The following URB1 variants were observed in gnomAD, a reference collection of about 807,000 sequenced individuals.
URB1 encodes URB1 ribosome biogenesis factor, also known as nucleolar pre-ribosomal-associated protein 1.
A neutral mutation model predicts 242.3 loss-of-function variants in URB1; 197 were observed. The observed-to-expected ratio is 0.81, with a 90% CI of 0.72 to 0.91. The LOEUF (loss-of-function observed/expected upper bound fraction) is 0.91. URB1 is among the 40% of genes least tolerant of loss of function. The pLI is 0.00. For synonymous variants in URB1, 1,153 were observed against 1,201.8 expected, an observed-to-expected ratio of 0.96 and a Z score of 0.84; for missense variants, 2,721 against 2,860.5, an observed-to-expected ratio of 0.95 and a Z score of 1.11.
chr21:32,372,596 C>G lies in URB1; in HGVS notation c.912G>C (p.Arg304=). The G allele has an allele frequency of 6.4e-7, 1 of 1,551,108 alleles. No homozygotes were observed. The highest frequency in any genetic ancestry group is 8.7e-7 in the Non-Finnish European group (1 of 1,146,846). Residue 304 remains arginine, a synonymous_variant, in exon 8 of 39, where the codon CGG becomes CGC. Transcript: ENST00000382751. ...CCATCAGGAAGTTATGAACAAGCTC[C>G]CGCACCATGGTTTTCCCTGCTTCTT... ...SAEEAGKTMV[R]ELVHNFLMDL...
At chr21:32,370,911 G>A (rs1469192526) in intron 8 of URB1, among the ~76,000 whole-genome samples, 2 of 152,186 alleles carry the variant, frequency 1.3e-5, no homozygotes, top group African/African-American at 4.8e-5. Flanking sequence ...CACCTACTAT[G>A]TGCCAGGCAC....
Position 32,378,515 on chromosome 21 carries a change from G to A in URB1, c.594C>T (p.Tyr198=), listed in dbSNP as rs763311311. 1.7e-5 allele frequency: 26 copies of A among 1,551,526 alleles called. No individual in the cohort carries two copies. The South Asian group carries it at 2.1e-4, about 13-fold the overall frequency. Residue 198 remains tyrosine, a synonymous_variant, in exon 5 of 39, where the codon TAC becomes TAT. Transcript: ENST00000382751. ...TTAAAAAGGAGAGAGCAAACTGAAC[G>A]TAGGCCTGCCGAACGTCGTACACTC... is the stretch of plus-strand genomic sequence containing the variant. ...SKGVYDVRQA[Y]VQFALSFLIA... is the part of the protein sequence containing the mutation.
At chr21:32,384,987 G>A (rs932867590) in intron 2 of URB1, among the ~76,000 whole-genome samples, 1 of 147,426 alleles carries the variant, frequency 6.8e-6, no homozygotes, top group East Asian at 2.0e-4. Flanking sequence ...TCTCAAAAAT[G>A]AAAGAAAAGA....
rs1352604914 is a variant in URB1, at chr21:32,372,577, G to T, written c.931C>A (p.Leu311Met). 1.3e-6 allele frequency: 2 copies of T among 1,551,534 alleles called. No homozygotes were observed. The highest frequency in any genetic ancestry group is 1.7e-6 in the Non-Finnish European group (2 of 1,146,986). Reference sequence around the variant, plus strand: ...TTGAGTGAACAGCAAAGATCCATCAGGAAGTTATGAACAAGCTCCCGCACC... The same window carrying T: ...TTGAGTGAACAGCAAAGATCCATCATGAAGTTATGAACAAGCTCCCGCACC... The part of the protein sequence containing the change: ...TMVRELVHNF[L>M]MDLCCSLKHG... The change falls in exon 8 of 39, where the codon CTG (leucine) becomes ATG (methionine). Residue 311 changes from leucine (L) to methionine (M), a missense_variant. Transcript: ENST00000382751.
Position 32,347,651 on chromosome 21 carries a change from G to A in URB1, c.3173C>T (p.Ala1058Val). The change falls in exon 22 of 39, where the codon GCA (alanine) becomes GTA (valine). Residue 1058 changes from alanine (A) to valine (V), a missense_variant. Transcript: ENST00000382751. Reference sequence around the variant, plus strand: ...AATGTTCTGGAGGATCGGGGCACTTGCTGCCAGCAGCTGAAGGACCCCTGC... The same window carrying A: ...AATGTTCTGGAGGATCGGGGCACTTACTGCCAGCAGCTGAAGGACCCCTGC... ...FSAGVLQLLA[A>V]SAPILQNIGQ... The A allele has an allele frequency of 6.4e-7, 1 of 1,551,644 alleles. No individual in the cohort carries two copies. Among genetic ancestry groups the A allele is most frequent in the South Asian group, 1.2e-5 (1 of 84,068 alleles).
At chr21:32,321,200 AAAC>A (rs1409460940) in intron 34 of URB1, among the ~76,000 whole-genome samples, 1 of 152,248 alleles carries the variant, frequency 6.6e-6, no homozygotes, top group Non-Finnish European at 1.5e-5. Flanking sequence ...TACATATGAG[AAAC>A]AAAAGCTGAC....
chr21:32,377,936 C>A (rs2033477692), intron 5 of URB1, among the ~76,000 whole-genome samples: 1 of 152,136 alleles, frequency 6.6e-6, no homozygotes. Flanking sequence ...ATGCAAGGGG[C>A]CCTGGCAGAT....
At chr21:32,379,543 T>TGAG (rs957889893) in intron 4 of URB1, among the ~76,000 whole-genome samples, 2 of 152,270 alleles carry the variant, frequency 1.3e-5, no homozygotes, top group Non-Finnish European at 1.5e-5. Flanking sequence ...GTGATGATGA[T>TGAG]GAGGAGGAGG....
rs937452567 is a variant in URB1 at position 32,392,921 on chromosome 21, G to A, written c.-11C>T. ...CTTGGGGACCCCCATGGCCGAGAGG[G>A]CGGAAGCGCGACGGAAACGACACAC... On this transcript the variant is annotated 5_prime_UTR_variant, in exon 1 of 39. Coordinates refer to ENST00000382751, the MANE Select transcript of URB1 (RefSeq NM_014825.3). 13 of 1,503,244 alleles carry A rather than the reference G, an allele frequency of 8.6e-6. No homozygotes were observed. Among genetic ancestry groups the A allele is most frequent in the Non-Finnish European group, 1.1e-5 (12 of 1,128,580 alleles). The allele number at this position is 1,503,244 out of a possible 1,614,324, so 93.1% of individuals were successfully genotyped here. A position where few individuals can be genotyped will look rare whatever the true frequency, so the allele number is the denominator to read the frequency against.
At position 32,312,427 on chromosome 21, in the gene URB1, C is replaced by T. The variant is rs2032604501; in HGVS notation, c.*2491G>A. On this transcript the variant is annotated 3_prime_UTR_variant, in exon 39 of 39. Transcript: ENST00000382751. ...CCCATCCAAGCTCCACTAACACCCGCCGGCTCCCCCAGATGTGATGGCATC... is the reference window on the plus strand; with the variant it reads ...CCCATCCAAGCTCCACTAACACCCGTCGGCTCCCCCAGATGTGATGGCATC... 1.3e-6 allele frequency: 1 copy of T among 758,974 alleles called. No individual in the cohort carries two copies. The highest frequency in any genetic ancestry group is 1.7e-6 in the Non-Finnish European group (1 of 573,448). The allele number at this position is 758,974 out of a possible 1,614,324, so 47.0% of individuals were successfully genotyped here.
intron 10 of URB1, among the ~76,000 whole-genome samples, 178 bp downstream of exon 10, chr21:32,366,440 G>A (rs1159903092): frequency 6.6e-6 from 1 of 152,184 alleles, no homozygotes; most frequent in African/African-American, 2.4e-5. Flanking sequence ...TTACCCAGGT[G>A]CGTGGACCTG....
At chr21:32,363,934 G>A (rs2033317451) in intron 10 of URB1, among the ~76,000 whole-genome samples, 1 of 151,732 alleles carries the variant, frequency 6.6e-6, no homozygotes, top group African/African-American at 2.4e-5. Context: ...GGGATTATGA[G>A]TGTGAACCAC....
chr21:32,353,477 T>C (rs1438749805), intron 18 of URB1, among the ~76,000 whole-genome samples: 1 of 152,170 alleles, frequency 6.6e-6, no homozygotes, highest in Non-Finnish European at 1.5e-5. Flanking sequence ...GACCCTTATT[T>C]ATTAAACTAC....
At chr21:32,325,975 C>T (rs938686929) in intron 30 of URB1, among the ~76,000 whole-genome samples, 15 of 152,182 alleles carry the variant, frequency 9.9e-5, no homozygotes, top group Admixed American at 3.9e-4. Flanking sequence ...GCAAAAGCTA[C>T]GGTCCAGAGA....
chr21:32,370,725 T>A (rs7279419), intron 8 of URB1, among the ~76,000 whole-genome samples: 22,908 of 152,222 alleles, frequency 0.15, 2,343 homozygotes, highest in African/African-American at 0.29. Context: ...GCACCTATCA[T>A]TGTAATTTGA....
At chr21:32,337,256 G>C in intron 27 of URB1, 99 bp from the exon 28 acceptor site, 1 of 1,387,124 alleles carries the variant, frequency 7.2e-7, no homozygotes, top group South Asian at 1.3e-5. Flanking sequence ...CAAATGGCCC[G>C]GTCCTCATAT....
At position 32,349,374 on chromosome 21, in the gene URB1, G is replaced by A. The variant is rs757065967; in HGVS notation, c.2942C>T (p.Ala981Val). ...LDAQNQQRCEAARAEADLFLD... is the reference protein window; with the variant it reads ...LDAQNQQRCEVARAEADLFLD... Reference sequence around the variant, plus strand: ...GAAGAGGTCGGCTTCGGCCCGGGCGGCCTCGCATCTCTGCTGGTTCTGGGC... The same window carrying A: ...GAAGAGGTCGGCTTCGGCCCGGGCGACCTCGCATCTCTGCTGGTTCTGGGC... The change falls in exon 21 of 39, where the codon GCC (alanine) becomes GTC (valine). Residue 981 changes from alanine (A) to valine (V), a missense_variant. Physicochemically the swap from Ala to Val is moderately conservative, Grantham distance 64 (BLOSUM62 0). Transcript: ENST00000382751. 1.3e-6 allele frequency: 2 copies of A among 1,551,520 alleles called. No homozygotes were observed. Among genetic ancestry groups the A allele is most frequent in the Non-Finnish European group, 1.7e-6 (2 of 1,146,992 alleles).
Position 32,363,216 on chromosome 21 carries a change from G to A in URB1, c.1449C>T (p.Gly483=), listed in dbSNP as rs1457526058. 7.7e-6 allele frequency: 12 copies of A among 1,551,914 alleles called. No individual in the cohort carries two copies. The highest frequency in any genetic ancestry group is 3.3e-4 in the Middle Eastern group (2 of 6,014). The change falls in exon 11 of 39, where the codon GGC becomes GGT. Residue 483 remains glycine (G), a synonymous_variant. Coordinates refer to ENST00000382751, the MANE Select transcript of URB1 (RefSeq NM_014825.3). ...CLNKEVWQES[G]VYTAVMMEEF... The stretch of plus-strand genomic sequence containing the variant: ...CTTCCATCATCACAGCTGTGTACAC[G>A]CCTGATTCCTGCCACACCTCTTTAT...
chr21:32,359,502 A>T (rs1326847679), intron 14 of URB1, among the ~76,000 whole-genome samples: 3 of 152,226 alleles, frequency 2.0e-5, no homozygotes, highest in Non-Finnish European at 4.4e-5. Flanking sequence ...TTATTTAAAA[A>T]TGAGAAAAAT....
Sources: allele counts gnomAD v4.1 joint callset (sites outside exome capture counted in the v4.1 genomes callset), GRCh38; gene constraint gnomAD v4.1.1; transcripts MANE v1.5; gene names NCBI Gene and HGNC (gene_info 2026-07-23, HGNC 2026-07-21).